The following SLC8A3 variants were observed in gnomAD, a reference collection of about 807,000 sequenced individuals.
SLC8A3 encodes the protein sodium/calcium exchanger 3.
In SLC8A3, 37 loss-of-function variants were observed where a neutral mutation model predicts 65.4. That is an observed-to-expected ratio of 0.57 (90% confidence interval 0.44 to 0.74). SLC8A3 has a LOEUF of 0.74. Ranked by LOEUF, SLC8A3 falls within the 30% of genes least tolerant of loss-of-function variation. SLC8A3 has a pLI of 0.00. For synonymous variants in SLC8A3, 461 were observed against 444.5 expected (o/e 1.04, Z -0.47); for missense variants, 1,112 against 1,172.1 (o/e 0.95, Z 0.75).
At chr14:70,113,250 T>C (rs1227376585) in intron 2 of SLC8A3, among the ~76,000 whole-genome samples, 1 of 152,188 alleles carries the variant, frequency 6.6e-6, no homozygotes, top group Non-Finnish European at 1.5e-5. Flanking sequence ...ACCTAGGCTG[T>C]ATGGTATAGC....
intron 2 of SLC8A3, among the ~76,000 whole-genome samples, chr14:70,124,677 C>A (rs1371834864): frequency 6.6e-6 from 1 of 152,246 alleles, no homozygotes; most frequent in Non-Finnish European, 1.5e-5. Context: ...GTAGGCCTGT[C>A]TTTCTTGCTT....
intron 2 of SLC8A3, among the ~76,000 whole-genome samples, chr14:70,092,824 A>G (rs1594970559): frequency 6.6e-6 from 1 of 152,226 alleles, no homozygotes; most frequent in Non-Finnish European, 1.5e-5. Flanking sequence ...TTTCTTTCTC[A>G]TGCTTTGCTT....
chr14:70,145,135 C>CTTA (rs1414784518), intron 2 of SLC8A3, among the ~76,000 whole-genome samples: 3 of 152,250 alleles, frequency 2.0e-5, no homozygotes, highest in African/African-American at 7.2e-5. Flanking sequence ...AAGCATAATT[C>CTTA]TTATTATAAG....
chr14:70,160,910 G>A (rs1264590791), intron 2 of SLC8A3, among the ~76,000 whole-genome samples: 3 of 150,912 alleles, frequency 2.0e-5, no homozygotes, highest in African/African-American at 7.3e-5. Context: ...TCATGACCTG[G>A]GGCCCTTCGG....
chr14:70,065,344 C>T (rs1030998181), intron 2 of SLC8A3, among the ~76,000 whole-genome samples: 6 of 152,104 alleles, frequency 3.9e-5, no homozygotes, highest in African/African-American at 4.8e-5. Context: ...TACCAAGACA[C>T]CTGGTCCCTG....
intron 2 of SLC8A3, among the ~76,000 whole-genome samples, chr14:70,152,039 C>G (rs1896306960): frequency 6.6e-6 from 1 of 152,106 alleles, no homozygotes; most frequent in African/African-American, 2.4e-5. Flanking sequence ...ACTATTCAAC[C>G]CAGTACAGCT....
chr14:70,089,668 G>A (rs1237794854), intron 2 of SLC8A3, among the ~76,000 whole-genome samples: 1 of 152,206 alleles, frequency 6.6e-6, no homozygotes, highest in Non-Finnish European at 1.5e-5. Flanking sequence ...AGGTATCTTT[G>A]AATCCATCTG....
chr14:70,101,601 C>T (rs1244980802), intron 2 of SLC8A3, among the ~76,000 whole-genome samples: 1 of 152,000 alleles, frequency 6.6e-6, no homozygotes, highest in African/African-American at 2.4e-5. Context: ...AGTGACATGC[C>T]CCAGTTTGTA....
At chr14:70,156,331 G>T (rs139270308) in intron 2 of SLC8A3, among the ~76,000 whole-genome samples, 1 of 152,336 alleles carries the variant, frequency 6.6e-6, no homozygotes, top group African/African-American at 2.4e-5. Flanking sequence ...CAGTATTGAA[G>T]AAATAGTGAC....
intron 2 of SLC8A3, among the ~76,000 whole-genome samples, chr14:70,147,676 C>T (rs1896017793): frequency 6.6e-6 from 1 of 152,168 alleles, no homozygotes; most frequent in Admixed American, 6.5e-5. Context: ...AGAAGCAAGC[C>T]ATGAGTTCTA....
intron 2 of SLC8A3, among the ~76,000 whole-genome samples, chr14:70,114,857 G>C (rs1893552626): frequency 6.6e-6 from 1 of 152,144 alleles, no homozygotes; most frequent in Admixed American, 6.5e-5. Flanking sequence ...GTGTGGGTGG[G>C]AGAGAGCGCG....
Position 70,167,555 on chromosome 14 carries a change from T to C in SLC8A3, c.868A>G (p.Lys290Glu). ...TCTAGAAAATGGGAATTCATCATTT[T>C]CCCATCCATCTCAATGCCCTTAGGG... ...DHPKGIEMDG[K>E]MMNSHFLDGN... Residue 290 changes from lysine (K) to glutamate (E), a missense_variant, in exon 2 of 7, where the codon AAA becomes GAA. Physicochemically the swap from Lys to Glu is moderately conservative, Grantham distance 56. Coordinates refer to ENST00000356921, the MANE Select transcript of SLC8A3 (RefSeq NM_182932.3). 1 of 1,614,036 alleles carries C rather than the reference T, an allele frequency of 6.2e-7. No homozygotes were observed. The highest frequency in any genetic ancestry group is 8.5e-7 in the Non-Finnish European group (1 of 1,180,012).
intron 1 of SLC8A3, among the ~76,000 whole-genome samples, chr14:70,175,398 G>A (rs1247754362): frequency 6.6e-6 from 1 of 152,206 alleles, no homozygotes; most frequent in Non-Finnish European, 1.5e-5. Flanking sequence ...AAGTGGCAAA[G>A]AGGGGCTATG....
chr14:70,067,808 T>C (rs773469628), intron 2 of SLC8A3, among the ~76,000 whole-genome samples: 2 of 152,200 alleles, frequency 1.3e-5, no homozygotes, highest in Non-Finnish European at 2.9e-5. Flanking sequence ...TATAACTTAC[T>C]GGTTCAAGTG....
At chr14:70,152,347 T>A (rs1322832978) in intron 2 of SLC8A3, among the ~76,000 whole-genome samples, 2 of 152,176 alleles carry the variant, frequency 1.3e-5, no homozygotes, top group Non-Finnish European at 2.9e-5. Context: ...AGAGAAATCT[T>A]AACCAGAGAA....
rs373186817 is a variant in SLC8A3, at chr14:70,186,948, A to T, written c.-63+1431T>A. ...GTAAACAAGAGCTCAGCTCAAGTGG[A>T]TGGGGCACGACAGCTGTGGAAGATT... On this transcript the variant is annotated intron_variant, in intron 1 of 6. Transcript: ENST00000356921. Among the ~76,000 whole-genome samples the T allele has an allele frequency of 1.7e-3, 266 of 152,340 alleles. 1 individual carries two copies. The highest frequency in any genetic ancestry group is 6.1e-3 in the African/African-American group (252 of 41,570).
chr14:70,174,961 GATA>G (rs1897812697), intron 1 of SLC8A3, among the ~76,000 whole-genome samples: 1 of 152,248 alleles, frequency 6.6e-6, no homozygotes, highest in African/African-American at 2.4e-5. Flanking sequence ...TCGTATGTGA[GATA>G]ATATTATACT....
At chr14:70,126,731 AC>A (rs1237074442) in intron 2 of SLC8A3, among the ~76,000 whole-genome samples, 1 of 151,780 alleles carries the variant, frequency 6.6e-6, no homozygotes, top group Non-Finnish European at 1.5e-5. Context: ...ATCATCCCAA[AC>A]CTACCACTGG....
chr14:70,141,374 C>G (rs1478084564), intron 2 of SLC8A3, among the ~76,000 whole-genome samples: 1 of 152,202 alleles, frequency 6.6e-6, no homozygotes, highest in Non-Finnish European at 1.5e-5. Context: ...ATACATTTCT[C>G]AAAGTCTCAC....
Sources: gnomAD v4.1 joint callset for allele counts (sites outside exome capture counted in the v4.1 genomes callset) on GRCh38, gnomAD v4.1.1 for gene constraint, MANE v1.5 for transcripts, NCBI Gene and HGNC (gene_info 2026-07-23, HGNC 2026-07-21) for gene names.